The following BCL6B variants were observed in gnomAD, a reference collection of about 807,000 sequenced individuals.
The protein encoded by BCL6B is BCL6B transcription repressor.
In BCL6B, 28 loss-of-function variants were observed where a neutral mutation model predicts 44.6. The observed-to-expected ratio is 0.63, with a 90% CI of 0.47 to 0.86. The LOEUF is 0.86. BCL6B is among the 40% of genes least tolerant of loss of function. The pLI is 0.00. For missense variants in BCL6B, 626 were observed against 652.3 expected (o/e 0.96, Z 0.44); for synonymous variants, 268 against 263.6 (o/e 1.02, Z -0.16).
Position 7,027,774 on chromosome 17 carries a change from G to A in BCL6B, c.*155G>A. ...TAATTTCTCACTGGGGAGAGCAGGG[G>A]TGGCAGATCCTGGCTAGATCTGCCT... On this transcript the variant is annotated 3_prime_UTR_variant, in exon 9 of 9. Coordinates refer to ENST00000293805, the MANE Select transcript of BCL6B (RefSeq NM_181844.4). The A allele has an allele frequency of 6.9e-7, 1 of 1,452,534 alleles. No homozygotes were observed. Among genetic ancestry groups the A allele is most frequent in the South Asian group, 1.4e-5 (1 of 70,284 alleles). The allele number at this position is 1,452,534 out of a possible 1,614,324, so 90.0% of individuals were successfully genotyped here.
intron 8 of BCL6B, 41 bp downstream of exon 8, chr17:7,027,128 C>T (rs1291692397): frequency 1.1e-5 from 18 of 1,610,216 alleles, no homozygotes; most frequent in Non-Finnish European, 1.5e-5. Flanking sequence ...TTAGAATTAC[C>T]TCTCCTTTGC....
At chr17:7,025,860 CAGG>C (rs1327847667) in intron 5 of BCL6B, among the ~76,000 whole-genome samples, 4 of 114,424 alleles carry the variant, frequency 3.5e-5, no homozygotes, top group African/African-American at 9.3e-5. Context: ...AAAAAAAAAA[CAGG>C]AGGAGAAACA....
In BCL6B at chr17:7,026,577, T is replaced by C; in HGVS notation, c.1010T>C (p.Phe337Ser). The change falls in exon 6 of 9, where the codon TTC (phenylalanine) becomes TCC (serine). Residue 337 changes from phenylalanine (F) to serine (S), a missense_variant. Phe to Ser is a radical substitution (Grantham distance 155). Transcript: ENST00000293805. Reference sequence around the variant, plus strand: ...AAGTGTCAGCTGTGCCGGTCTTCGTTCCGCTACAAGGGCAACCTTGCCAGT... The same window carrying C: ...AAGTGTCAGCTGTGCCGGTCTTCGTCCCGCTACAAGGGCAACCTTGCCAGT... ...PYKCQLCRSS[F>S]RYKGNLASHR... is the part of the protein sequence containing the mutation. 1 of 1,614,182 alleles carries C rather than the reference T, an allele frequency of 6.2e-7. No individual in the cohort carries two copies. Among genetic ancestry groups the C allele is most frequent in the Non-Finnish European group, 8.5e-7 (1 of 1,180,030 alleles).
rs747015672 is a variant in BCL6B at position 7,024,699 on chromosome 17, TCCAGCAGCAGCA to T, written c.701_712del (p.Ser234_Ser238delinsCys). On this transcript the variant is annotated inframe_deletion, in exon 4 of 9. Transcript: ENST00000293805. This position sits in a 1 kb window ranked among gnomAD's most constrained non-coding sequence, Gnocchi z 6.6. ...CAGGCTCCCCAGTGGAGACGAGGCC[TCCAGCAGCAGCA>T]GCAGCAGCAGCAGCAGCAGTGAAGA... The T allele has an allele frequency of 1.2e-5, 13 of 1,091,498 alleles. No homozygotes were observed. The highest frequency in any genetic ancestry group is 1.6e-5 in the Non-Finnish European group (12 of 737,728). The allele number at this position is 1,091,498 out of a possible 1,614,324, so 67.6% of individuals were successfully genotyped here. A position where few individuals can be genotyped will look rare whatever the true frequency, so the allele number is the denominator to read the frequency against.
At position 7,024,208 on chromosome 17, in the gene BCL6B, G is replaced by A. The variant is rs768794251; in HGVS notation, c.305G>A (p.Arg102His). The A allele has an allele frequency of 3.0e-5, 48 of 1,613,686 alleles. No individual in the cohort carries two copies. Among genetic ancestry groups the A allele is most frequent in the Non-Finnish European group, 4.0e-5 (47 of 1,180,030 alleles). Residue 102 changes from arginine to histidine, a missense_variant, in exon 3 of 9, where the codon CGC becomes CAC. Coordinates refer to ENST00000293805, the MANE Select transcript of BCL6B (RefSeq NM_181844.4). This position sits in a 1 kb window ranked among gnomAD's most constrained non-coding sequence, Gnocchi z 6.6. ...LLDFMYTSRL[R>H]LSPATAPAVL... ...GACTTCATGTACACTTCGCGCCTGC[G>A]CCTCTCTCCAGCCACTGCACCAGCA...
chr17:7,026,840 G>A lies in BCL6B; in HGVS notation c.1185+5G>A, dbSNP rs199865607. ...TGCGGCTCGCGCTTTGTACAGGTAC[G>A]GAGCCAGCCTCCAAGTGGCTTCCAA... On this transcript the variant is annotated splice_donor_5th_base_variant and intron_variant, in intron 7 of 8. Transcript: ENST00000293805. The A allele has an allele frequency of 1.1e-4, 175 of 1,613,522 alleles. No homozygotes were observed. The African/African-American group carries it at 1.9e-3, about 17-fold the overall frequency.
rs1450667363 is a variant in BCL6B at position 7,029,074 on chromosome 17, G to A, written c.*1455G>A. The A allele has an allele frequency of 6.1e-6, 6 of 985,374 alleles. No individual in the cohort carries two copies. Among genetic ancestry groups the A allele is most frequent in the Non-Finnish European group, 4.8e-6 (4 of 829,984 alleles). 61.0% of individuals were successfully genotyped at this position (985,374 alleles called of 1,614,324 possible). On this transcript the variant is annotated 3_prime_UTR_variant, in exon 9 of 9. Coordinates refer to ENST00000293805, the MANE Select transcript of BCL6B (RefSeq NM_181844.4). ...AGAAAAGGGGCTGAGTTCCATTCTGGGTTTGCTGTAGTTTGGTTGGGATTA... is the reference window on the plus strand; with the variant it reads ...AGAAAAGGGGCTGAGTTCCATTCTGAGTTTGCTGTAGTTTGGTTGGGATTA...
chr17:7,025,986 A>G (rs1175882434), intron 5 of BCL6B, among the ~76,000 whole-genome samples: 1 of 151,980 alleles, frequency 6.6e-6, no homozygotes, highest in Non-Finnish European at 1.5e-5. Flanking sequence ...CAGTGCCGCA[A>G]TCTCGGTTCA....
rs1910358980 is a variant in BCL6B at position 7,028,370 on chromosome 17, C to T, written c.*751C>T. ...AGTCTAGAAATGGATACAGACATTT[C>T]TCTGTTCTTCAAGGGTGATAGGAAC... On this transcript the variant is annotated 3_prime_UTR_variant, in exon 9 of 9. Transcript: ENST00000293805. The T allele has an allele frequency of 1.2e-6, 1 of 837,100 alleles. No homozygotes were observed. The highest frequency in any genetic ancestry group is 5.7e-5 in the African/African-American group (1 of 17,676). 51.9% of individuals were successfully genotyped at this position (837,100 alleles called of 1,614,324 possible). A position where few individuals can be genotyped will look rare whatever the true frequency, so the allele number is the denominator to read the frequency against.
intron 1 of BCL6B, 143 bp downstream of exon 1, chr17:7,023,242 C>T (rs1001311702): frequency 1.7e-4 from 31 of 184,426 alleles, no homozygotes; most frequent in Non-Finnish European, 2.7e-4. Context: ...CGCAGAATTC[C>T]GTAGTTCGGG....
rs1910359542 is a variant in BCL6B, at chr17:7,028,389, T to C, written c.*770T>C. On this transcript the variant is annotated 3_prime_UTR_variant, in exon 9 of 9. Transcript: ENST00000293805. The stretch of plus-strand genomic sequence containing the variant: ...ACATTTCTCTGTTCTTCAAGGGTGA[T>C]AGGAACCATTATGTTGAGCCCAAAA... 12 of 834,576 alleles carry C rather than the reference T, an allele frequency of 1.4e-5. No individual in the cohort carries two copies. The South Asian group carries it at 5.5e-4, about 38-fold the overall frequency. The allele number at this position is 834,576 out of a possible 1,614,324, so 51.7% of individuals were successfully genotyped here.
At position 7,024,704 on chromosome 17, in the gene BCL6B, C is replaced by T. The variant is rs1425798732; in HGVS notation, c.705C>T (p.Ser235=). ...ARLPSGDEAS[S]SSSSSSSSSE... ...TCCCCAGTGGAGACGAGGCCTCCAG[C>T]AGCAGCAGCAGCAGCAGCAGCAGCA... Residue 235 remains serine (S), a synonymous_variant, in exon 4 of 9, where the codon AGC becomes AGT. Coordinates refer to ENST00000293805, the MANE Select transcript of BCL6B (RefSeq NM_181844.4). The surrounding 1 kb of genome is among the most constrained non-coding windows in gnomAD (Gnocchi z 6.6). The T allele has an allele frequency of 6.3e-7, 1 of 1,593,328 alleles. No homozygotes were observed. The highest frequency in any genetic ancestry group is 1.4e-5 in the African/African-American group (1 of 73,642).
In BCL6B at chr17:7,029,147, G is replaced by A. The variant is rs2151665328; in HGVS notation, c.*1528G>A. On this transcript the variant is annotated 3_prime_UTR_variant, in exon 9 of 9. Transcript: ENST00000293805. ...AGATTGACTAGCCCATAGGCCAAAG[G>A]CCTGTTCTAGTTGACCAAGTTTCAA... is the stretch of plus-strand genomic sequence containing the variant. 1.0e-6 allele frequency: 1 copy of A among 985,658 alleles called. No individual in the cohort carries two copies. Among genetic ancestry groups the A allele is most frequent in the Non-Finnish European group, 1.2e-6 (1 of 830,096 alleles). 61.1% of individuals were successfully genotyped at this position (985,658 alleles called of 1,614,324 possible). A position where few individuals can be genotyped will look rare whatever the true frequency, so the allele number is the denominator to read the frequency against.
chr17:7,027,423 A>C (rs1267470749), intron 8 of BCL6B, 80 bp from the exon 9 acceptor site: 1 of 1,491,518 alleles, frequency 6.7e-7, no homozygotes, highest in Admixed American at 1.7e-5. Context: ...CCCACCTGGG[A>C]GAGCTGGACG....
In BCL6B at chr17:7,024,700, C is replaced by CCAGCAG. The variant is rs55799550; in HGVS notation, c.726_731dup (p.Ser243_Ser244dup). The CCAGCAG allele has an allele frequency of 7.0e-3, 10,201 of 1,458,674 alleles. 32 individuals carry two copies. Among genetic ancestry groups the CCAGCAG allele is most frequent in the African/African-American group, 0.027 (2,001 of 72,774 alleles). 90.4% of individuals were successfully genotyped at this position (1,458,674 alleles called of 1,614,324 possible). ...AGGCTCCCCAGTGGAGACGAGGCCT[C>CCAGCAG]CAGCAGCAGCAGCAGCAGCAGCAGC... On this transcript the variant is annotated inframe_insertion, in exon 4 of 9. Coordinates refer to ENST00000293805, the MANE Select transcript of BCL6B (RefSeq NM_181844.4). The surrounding 1 kb of genome is among the most constrained non-coding windows in gnomAD (Gnocchi z 6.6).
rs746717608 is a variant in BCL6B, at chr17:7,026,751, G to T, written c.1101G>T (p.Arg367=). The change falls in exon 7 of 9, where the codon CGG becomes CGT. Residue 367 remains arginine (R), a synonymous_variant. Transcript: ENST00000293805. ...CAATCTGCGGAGCCCGTTTTAACCG[G>T]CCAGCAAACCTGAAAACGCACAGCC... The part of the protein sequence containing the change: ...HCSICGARFN[R]PANLKTHSRI... 1 of 1,614,214 alleles carries T rather than the reference G, an allele frequency of 6.2e-7. No individual in the cohort carries two copies. The highest frequency in any genetic ancestry group is 8.5e-7 in the Non-Finnish European group (1 of 1,180,046).
At position 7,026,971 on chromosome 17, in the gene BCL6B, G is replaced by C. The variant is rs200507334; in HGVS notation, c.1207G>C (p.Val403Leu). 13 of 1,612,782 alleles carry C rather than the reference G, an allele frequency of 8.1e-6. No homozygotes were observed. ...CCAGGTGGCACATCTGCGGGCGCAC[G>C]TGCTGATCCACACCGGGGAGAAGCC... ...FVQVAHLRAH[V>L]LIHTGEKPYP... is the part of the protein sequence containing the mutation. The change falls in exon 8 of 9, where the codon GTG becomes CTG. Residue 403 changes from valine to leucine, a missense_variant. Coordinates refer to ENST00000293805, the MANE Select transcript of BCL6B (RefSeq NM_181844.4).
intron 2 of BCL6B, 103 bp downstream of exon 2, chr17:7,023,953 G>C (rs944344731): frequency 1.2e-5 from 18 of 1,537,186 alleles, no homozygotes; most frequent in Middle Eastern, 2.3e-4. Flanking sequence ...GCAGGAGGCG[G>C]AGCGTCCCAG....
At position 7,026,560 on chromosome 17, in the gene BCL6B, G is replaced by A. The variant is rs759342187; in HGVS notation, c.993G>A (p.Gln331=). 1.9e-6 allele frequency: 3 copies of A among 1,614,108 alleles called. No homozygotes were observed. The highest frequency in any genetic ancestry group is 2.5e-6 in the Non-Finnish European group (3 of 1,180,048). The part of the protein sequence containing the change: ...PGDEDKPYKC[Q]LCRSSFRYKG... ...ACGAAGACAAACCCTATAAGTGTCAGCTGTGCCGGTCTTCGTTCCGCTACA... is the reference window on the plus strand; with the variant it reads ...ACGAAGACAAACCCTATAAGTGTCAACTGTGCCGGTCTTCGTTCCGCTACA... Residue 331 remains glutamine, a synonymous_variant, in exon 6 of 9, where the codon CAG becomes CAA. Transcript: ENST00000293805.
Sources: allele counts gnomAD v4.1 joint callset (sites outside exome capture counted in the v4.1 genomes callset), GRCh38; gene constraint gnomAD v4.1.1; non-coding constraint Gnocchi (gnomAD v3.1); transcripts MANE v1.5; gene names NCBI Gene and HGNC (gene_info 2026-07-23, HGNC 2026-07-21).